Variants in NEK11 observed in about 807,000 individuals in gnomAD.
The protein encoded by NEK11 is serine/threonine-protein kinase Nek11.
NEK11 carries 72 observed loss-of-function variants against 80.7 expected under a neutral mutation model. That is an observed-to-expected ratio of 0.89 (90% CI 0.74 to 1.08). The LOEUF (loss-of-function observed/expected upper bound fraction) is 1.08, where lower values mean the gene tolerates loss of function less well. Among genes scored for constraint, NEK11 ranks in the 50% least tolerant of loss-of-function variants. NEK11 has a pLI of 0.00. For missense variants in NEK11, 764 were observed against 763.6 expected, an observed-to-expected ratio of 1.00 and a Z score of -0.01; for synonymous variants, 251 against 260.7, an observed-to-expected ratio of 0.96 and a Z score of 0.36.
chr3:131,346,861 T>G (rs1178355986), intron 17 of NEK11, among the ~76,000 whole-genome samples: 2 of 152,126 alleles, frequency 1.3e-5, no homozygotes, highest in South Asian at 4.1e-4. Context: ...TCAATTGATA[T>G]GATCATGGGA....
intron 16 of NEK11, among the ~76,000 whole-genome samples, chr3:131,260,594 T>G (rs1181778902): frequency 6.6e-6 from 1 of 152,194 alleles, no homozygotes; most frequent in Non-Finnish European, 1.5e-5. Flanking sequence ...GCAACAGAAA[T>G]TCTATGGTCT....
intron 3 of NEK11, among the ~76,000 whole-genome samples, chr3:131,042,217 T>TG (rs995561874): frequency 2.6e-5 from 4 of 151,420 alleles, no homozygotes; most frequent in African/African-American, 7.3e-5. Context: ...TTTTGTTTTT[T>TG]TTTTCCCTGT....
intron 5 of NEK11, among the ~76,000 whole-genome samples, chr3:131,117,919 A>T (rs566129115): frequency 1.7e-4 from 26 of 152,296 alleles, no homozygotes; most frequent in East Asian, 5.8e-4. Context: ...TCGTCTGCAA[A>T]CAGGGACAAT....
chr3:131,269,715 T>C (rs546257794), intron 16 of NEK11, among the ~76,000 whole-genome samples: 1 of 152,226 alleles, frequency 6.6e-6, no homozygotes, highest in South Asian at 2.1e-4. Flanking sequence ...TTTTGAAAAT[T>C]AACATGGGGA....
intron 4 of NEK11, among the ~76,000 whole-genome samples, chr3:131,101,592 A>T (rs1388249130): frequency 6.6e-6 from 1 of 152,198 alleles, no homozygotes; most frequent in Non-Finnish European, 1.5e-5. Context: ...GTCTGAGAGT[A>T]TGCTTGGTAT....
intron 14 of NEK11, among the ~76,000 whole-genome samples, chr3:131,223,656 G>A (rs185683751): frequency 6.6e-6 from 1 of 152,190 alleles, no homozygotes; most frequent in African/African-American, 2.4e-5. Context: ...CAGAGACCAC[G>A]TAATCTGCAA....
intron 17 of NEK11, among the ~76,000 whole-genome samples, chr3:131,293,372 T>C (rs1417380992): frequency 6.6e-6 from 1 of 152,188 alleles, no homozygotes; most frequent in Non-Finnish European, 1.5e-5. Context: ...TTTTAGTCTA[T>C]TGATGTAATG....
intron 13 of NEK11, 31 bp from the exon 14 acceptor site, chr3:131,170,742 A>G (rs1171381153): frequency 1.5e-6 from 2 of 1,302,318 alleles, no homozygotes; most frequent in African/African-American, 2.9e-5. Context: ...TTCTATCAGC[A>G]TCTCATGAAT....
intron 17 of NEK11, among the ~76,000 whole-genome samples, chr3:131,323,205 G>C (rs2096914761): frequency 6.6e-6 from 1 of 152,144 alleles, no homozygotes; most frequent in South Asian, 2.1e-4. Context: ...TTCTCTTTTG[G>C]CTTCAGAAAG....
At chr3:131,195,642 A>G (rs1168878144) in intron 14 of NEK11, among the ~76,000 whole-genome samples, 2 of 152,008 alleles carry the variant, frequency 1.3e-5, no homozygotes, top group East Asian at 3.9e-4. Flanking sequence ...GTGCTGCACA[A>G]CATCAGGGAC....
Position 131,181,470 on chromosome 3 carries a change from GGC to G in NEK11, c.1399+10586_1399+10587del, listed in dbSNP as rs199541176. 7.4e-3 allele frequency among the ~76,000 whole-genome samples: 1,133 copies of G among 152,264 alleles called. 27 individuals carry two copies. Among genetic ancestry groups the G allele is most frequent in the African/African-American group, 0.026 (1,064 of 41,538 alleles). ...CTAAAAGATAACTTTGTGTTGGCTG[GGC>G]GCAATGGCTCACGCCTGTAATCCCA... On this transcript the variant is annotated intron_variant, in intron 14 of 17. Transcript: ENST00000383366.
intron 4 of NEK11, among the ~76,000 whole-genome samples, chr3:131,083,209 T>C (rs2075532322): frequency 1.3e-5 from 2 of 152,360 alleles, no homozygotes. Context: ...CAGTCTATAT[T>C]GTCTGAATTA....
chr3:131,181,573 C>A (rs991419142), intron 14 of NEK11, among the ~76,000 whole-genome samples: 1 of 151,862 alleles, frequency 6.6e-6, no homozygotes, highest in African/African-American at 2.4e-5. Context: ...GATGAAACCC[C>A]ATCTCTACTA....
chr3:131,122,335 C>T (rs1221481859), intron 5 of NEK11, among the ~76,000 whole-genome samples: 1 of 152,136 alleles, frequency 6.6e-6, no homozygotes, highest in Non-Finnish European at 1.5e-5. Context: ...TTGAGGATAT[C>T]CTGCAGTCAC....
intron 17 of NEK11, among the ~76,000 whole-genome samples, chr3:131,310,009 A>C (rs1361760424): frequency 9.5e-5 from 14 of 148,022 alleles, no homozygotes; most frequent in African/African-American, 2.7e-4. Flanking sequence ...AAAAAAAAAA[A>C]AAAAAAAAAA....
intron 7 of NEK11, among the ~76,000 whole-genome samples, chr3:131,144,598 A>C (rs895608707): frequency 1.3e-5 from 2 of 152,156 alleles, no homozygotes; most frequent in Non-Finnish European, 2.9e-5. Context: ...CAAAACCTCT[A>C]AGTGATTTGC....
Position 131,076,217 on chromosome 3 carries a change from A to T in NEK11, c.171-4206A>T, listed in dbSNP as rs1406215863. On this transcript the variant is annotated intron_variant, in intron 3 of 17. Coordinates refer to ENST00000383366, the MANE Select transcript of NEK11 (RefSeq NM_024800.5). ...TGTAAGGAAGCTGTCTAAAGTGGGC[A>T]GCCACAAATGACAAGTGTCTGCTAC... Among the ~76,000 whole-genome samples the T allele has an allele frequency of 3.3e-5, 5 of 152,328 alleles. No homozygotes were observed. The South Asian group carries it at 8.3e-4, about 25-fold the overall frequency.
chr3:131,250,050 AG>A (rs1391091714), intron 16 of NEK11, among the ~76,000 whole-genome samples: 1 of 152,102 alleles, frequency 6.6e-6, no homozygotes, highest in Non-Finnish European at 1.5e-5. Context: ...TAGCAGAGAA[AG>A]TATTACCTCT....
In NEK11 at chr3:131,152,431, G is replaced by A. The variant is rs1366499027; in HGVS notation, c.691G>A (p.Ala231Thr). 1 of 1,613,630 alleles carries A rather than the reference G, an allele frequency of 6.2e-7. No individual in the cohort carries two copies. Among genetic ancestry groups the A allele is most frequent in the Non-Finnish European group, 8.5e-7 (1 of 1,179,806 alleles). Residue 231 changes from alanine to threonine, a missense_variant, in exon 8 of 18, where the codon GCA (alanine) becomes ACA (threonine). By Grantham distance (58) the Ala-to-Thr change is moderately conservative (BLOSUM62 0). Transcript: ENST00000383366. ...ILYEMCCMNH[A>T]FAGSNFLSIV... ...GTATGAGATGTGCTGCATGAATCAT[G>A]CATTCGCTGGCTCCAATTTCTTATC...
Sources: allele counts gnomAD v4.1 joint callset (sites outside exome capture counted in the v4.1 genomes callset), GRCh38; gene constraint gnomAD v4.1.1; transcripts MANE v1.5; gene names NCBI Gene and HGNC (gene_info 2026-07-23, HGNC 2026-07-21).